FAM163A: variants seen among roughly 807,000 people sequenced by gnomAD.
FAM163A encodes protein FAM163A.
A neutral mutation model predicts 12.0 loss-of-function variants in FAM163A; 7 were observed. That is an observed-to-expected ratio of 0.58 (90% CI 0.33 to 1.10). The LOEUF (loss-of-function observed/expected upper bound fraction) is 1.10, where lower values mean the gene tolerates loss of function less well. Ranked by LOEUF, FAM163A falls within the 50% of genes least tolerant of loss-of-function variation. The pLI, the probability that FAM163A is intolerant of heterozygous loss-of-function variation, is 0.03. For missense variants in FAM163A, 202 were observed against 218.6 expected (o/e 0.92, Z 0.48); for synonymous variants, 101 against 91.0 (o/e 1.11, Z -0.62).
chr1:179,732,165 A>G, the FAM163A span, among the ~76,000 whole-genome samples: 5 of 152,364 alleles, frequency 3.3e-5, no homozygotes, highest in African/African-American at 9.6e-5. Context: ...TTTTACAGCA[A>G]TTGCAGGAAT....
At chr1:179,728,550 A>G in the FAM163A span, among the ~76,000 whole-genome samples, 1 of 152,150 alleles carries the variant, frequency 6.6e-6, no homozygotes, top group Non-Finnish European at 1.5e-5. Context: ...CAGATGTAAG[A>G]GCACCCAGTG....
At position 179,748,328 on chromosome 1, in the gene FAM163A, A is replaced by G. The variant is rs981541492; in HGVS notation, c.-136+4905A>G. 6.7e-4 allele frequency among the ~76,000 whole-genome samples: 102 copies of G among 152,196 alleles called. 1 individual carries two copies. The highest frequency in any genetic ancestry group is 3.9e-4 in the Admixed American group (6 of 15,280). ...TGTTGCCCACAGTGGTGGGAGCAAG[A>G]AGCTGGGTTGGGCTCTCAGGTAGGG... On this transcript the variant is annotated intron_variant, in intron 1 of 4. Coordinates refer to ENST00000341785, the MANE Select transcript of FAM163A (RefSeq NM_173509.3).
intron 1 of FAM163A, among the ~76,000 whole-genome samples, chr1:179,753,916 C>T (rs11577101): frequency 0.052 from 7,940 of 152,228 alleles, 231 homozygotes; most frequent in African/African-American, 0.073. Context: ...ACCTACCCCA[C>T]AAAGTTGTAG....
chr1:179,760,260 C>A (rs1297538158), intron 1 of FAM163A, among the ~76,000 whole-genome samples: 2 of 152,142 alleles, frequency 1.3e-5, no homozygotes, highest in Non-Finnish European at 2.9e-5. Flanking sequence ...GTTCTGGGAC[C>A]ACCTTTACTT....
At chr1:179,757,778 C>G (rs1321831724) in intron 1 of FAM163A, among the ~76,000 whole-genome samples, 2 of 152,182 alleles carry the variant, frequency 1.3e-5, no homozygotes, top group African/African-American at 4.8e-5. Context: ...CGCCACTGCA[C>G]TCCAGCCTGA....
At chr1:179,769,736 G>A (rs563680008) in intron 1 of FAM163A, among the ~76,000 whole-genome samples, 22 of 152,188 alleles carry the variant, frequency 1.4e-4, no homozygotes, top group Admixed American at 4.6e-4. Flanking sequence ...CCGTGCTCTG[G>A]GATCAGGCCT....
intron 1 of FAM163A, among the ~76,000 whole-genome samples, chr1:179,767,332 G>A (rs927266058): frequency 1.3e-5 from 2 of 152,080 alleles, no homozygotes; most frequent in African/African-American, 2.4e-5. Context: ...GATAATGAGC[G>A]CTAAAAGCAC....
intron 1 of FAM163A, among the ~76,000 whole-genome samples, chr1:179,781,325 A>G (rs1221778090): frequency 2.0e-5 from 3 of 152,148 alleles, no homozygotes; most frequent in African/African-American, 7.2e-5. Context: ...ACCTCAAAAA[A>G]TATTTTTAAA....
the FAM163A span, among the ~76,000 whole-genome samples, chr1:179,731,723 C>T: frequency 6.6e-6 from 1 of 152,134 alleles, no homozygotes. Flanking sequence ...TTCATGTAGC[C>T]TGTTTATTAC....
intron 1 of FAM163A, among the ~76,000 whole-genome samples, chr1:179,783,917 C>T (rs1268619246): frequency 6.6e-6 from 1 of 150,786 alleles, no homozygotes; most frequent in Non-Finnish European, 1.5e-5. Flanking sequence ...ATGGGATACA[C>T]TAGTTGGCTA....
intron 1 of FAM163A, among the ~76,000 whole-genome samples, chr1:179,794,123 C>T (rs1691921270): frequency 6.6e-6 from 1 of 152,230 alleles, no homozygotes; most frequent in South Asian, 2.1e-4. Flanking sequence ...ACACTCTTGG[C>T]CACCTTGTGC....
chr1:179,744,324 G>A (rs151056097), intron 1 of FAM163A, among the ~76,000 whole-genome samples: 9 of 152,046 alleles, frequency 5.9e-5, no homozygotes, highest in Admixed American at 5.2e-4. Context: ...CGGCCCAGAG[G>A]GGGGCCTGGC....
chr1:179,791,288 A>C (rs892147253), intron 1 of FAM163A, among the ~76,000 whole-genome samples: 7 of 152,112 alleles, frequency 4.6e-5, no homozygotes, highest in Non-Finnish European at 8.8e-5. Flanking sequence ...AGGCCGTACC[A>C]CATCCTCCAT....
intron 1 of FAM163A, among the ~76,000 whole-genome samples, chr1:179,778,804 C>T (rs552967689): frequency 3.3e-5 from 5 of 152,246 alleles, no homozygotes; most frequent in Admixed American, 2.6e-4. Context: ...AAATAGGTGC[C>T]AAGGGGCTTG....
intron 4 of FAM163A, 62 bp from the exon 5 acceptor site, chr1:179,813,716 CA>C (rs1571613829): frequency 1.3e-6 from 2 of 1,591,518 alleles, no homozygotes; most frequent in Non-Finnish European, 1.7e-6. Context: ...TGTGCACGCT[CA>C]AAAATGCATG....
At chr1:179,756,361 A>G (rs1686024187) in intron 1 of FAM163A, among the ~76,000 whole-genome samples, 1 of 152,172 alleles carries the variant, frequency 6.6e-6, no homozygotes, top group South Asian at 2.1e-4. Flanking sequence ...AACACTTAAG[A>G]GAGAAAATGT....
chr1:179,767,495 G>T (rs893332763), intron 1 of FAM163A, among the ~76,000 whole-genome samples: 1 of 152,018 alleles, frequency 6.6e-6, no homozygotes, highest in Admixed American at 6.6e-5. Context: ...ACATCCCCCC[G>T]CATGGCTGCT....
chr1:179,783,678 C>T (rs563283419), intron 1 of FAM163A, among the ~76,000 whole-genome samples: 1 of 132,384 alleles, frequency 7.6e-6, no homozygotes, highest in East Asian at 2.1e-4. Flanking sequence ...CCGTCAGCCA[C>T]TATGTAGGAC....
intron 1 of FAM163A, among the ~76,000 whole-genome samples, chr1:179,768,633 GTC>G (rs1411976067): frequency 6.6e-6 from 1 of 151,192 alleles, no homozygotes; most frequent in Admixed American, 6.6e-5. Flanking sequence ...TTGAGGCGGA[GTC>G]TCACTCTGTC....
Sources: allele counts gnomAD v4.1 joint callset (sites outside exome capture counted in the v4.1 genomes callset), GRCh38; gene constraint gnomAD v4.1.1; transcripts MANE v1.5; gene names NCBI Gene and HGNC (gene_info 2026-07-23, HGNC 2026-07-21).